FRRS1: variants seen among roughly 807,000 people sequenced by gnomAD.
FRRS1 encodes ferric chelate reductase 1.
FRRS1 carries 51 observed loss-of-function variants against 70.7 expected under a neutral mutation model. The ratio of observed to expected loss-of-function variants is 0.72; its 90% CI spans 0.58 to 0.91. The LOEUF (loss-of-function observed/expected upper bound fraction) is 0.91, where lower values mean the gene tolerates loss of function less well. FRRS1 is among the 40% of genes least tolerant of loss of function. The probability of loss-of-function intolerance (pLI) is 0.00; values close to 1 mark genes in which losing one functional copy is unlikely to be tolerated. For synonymous variants in FRRS1, 225 were observed against 238.7 expected, an observed-to-expected ratio of 0.94 and a Z score of 0.53; for missense variants, 672 against 726.0, an observed-to-expected ratio of 0.93 and a Z score of 0.86.
chr1:99,761,988 T>C lies in FRRS1; in HGVS notation c.-106+4619A>G, dbSNP rs572096490. On this transcript the variant is annotated intron_variant, in intron 1 of 16. Transcript: ENST00000646001. ...TATGGGAGGTACTATTGTCCCCATATGTAAAATAGGGCACTGATTAAGACA... is the reference window on the plus strand; with the variant it reads ...TATGGGAGGTACTATTGTCCCCATACGTAAAATAGGGCACTGATTAAGACA... Among the ~76,000 whole-genome samples the C allele has an allele frequency of 3.3e-5, 5 of 152,336 alleles. No individual in the cohort carries two copies. The South Asian group carries it at 8.3e-4, about 25-fold the overall frequency.
At chr1:99,730,829 T>C (rs1240946652) in intron 7 of FRRS1, among the ~76,000 whole-genome samples, 1 of 143,606 alleles carries the variant, frequency 7.0e-6, no homozygotes, top group Non-Finnish European at 1.5e-5. Context: ...ATCGCGCCAC[T>C]GCACTCCAGC....
chr1:99,716,016 G>A (rs1654506920), intron 11 of FRRS1, among the ~76,000 whole-genome samples: 1 of 152,110 alleles, frequency 6.6e-6, no homozygotes, highest in Non-Finnish European at 1.5e-5. Context: ...CCACCATCGA[G>A]CACAGTGCTA....
rs1359947794 is a variant in FRRS1 at position 99,706,004 on chromosome 1, T to C, written c.*3024A>G. Reference sequence around the variant, plus strand: ...TTATTACAGAAACAAAAAGAAAAACTGAGAGGAGTGAAGACTAGGCATTTG... The same window carrying C: ...TTATTACAGAAACAAAAAGAAAAACCGAGAGGAGTGAAGACTAGGCATTTG... On this transcript the variant is annotated 3_prime_UTR_variant, in exon 17 of 17. Transcript: ENST00000646001. Among the ~76,000 whole-genome samples the C allele has an allele frequency of 1.3e-5, 2 of 151,986 alleles. No homozygotes were observed. The highest frequency in any genetic ancestry group is 2.1e-4 in the South Asian group (1 of 4,828).
At chr1:99,744,895 G>A (rs1222196544) in intron 4 of FRRS1, among the ~76,000 whole-genome samples, 1 of 149,098 alleles carries the variant, frequency 6.7e-6, no homozygotes, top group Admixed American at 6.7e-5. Flanking sequence ...GCGTGAACCC[G>A]GGAGGCGGAG....
intron 6 of FRRS1, among the ~76,000 whole-genome samples, chr1:99,738,665 C>G (rs1276702663): frequency 1.3e-5 from 2 of 151,956 alleles, no homozygotes; most frequent in Non-Finnish European, 2.9e-5. Context: ...AACGTTCCTG[C>G]CTAAAGGGTA....
At chr1:99,763,317 A>C (rs1372495143) in intron 1 of FRRS1, among the ~76,000 whole-genome samples, 1 of 152,044 alleles carries the variant, frequency 6.6e-6, no homozygotes, top group Non-Finnish European at 1.5e-5. Context: ...ATTCCTGTCC[A>C]TATAAAAATA....
intron 1 of FRRS1, among the ~76,000 whole-genome samples, chr1:99,756,059 T>A (rs1290687564): frequency 6.6e-6 from 1 of 152,208 alleles, no homozygotes; most frequent in African/African-American, 2.4e-5. Context: ...CACATAATTA[T>A]GACAGAATAG....
rs144424214 is a variant in FRRS1 at position 99,747,423 on chromosome 1, C to A, written c.204G>T (p.Leu68Phe). The A allele has an allele frequency of 9.3e-6, 15 of 1,607,452 alleles. No individual in the cohort carries two copies. The highest frequency in any genetic ancestry group is 3.3e-4 in the Middle Eastern group (2 of 6,034). ...GAAAGCCTTTAAATGGATGCCCTGA[C>A]AAAGTAACTGAGAAAAAGACAAAAG... ...FRPGDQIEVT[L>F]SGHPFKGFLL... The change falls in exon 4 of 17, where the codon TTG becomes TTT. Residue 68 changes from leucine to phenylalanine, a missense_variant. Coordinates refer to ENST00000646001, the MANE Select transcript of FRRS1 (RefSeq NM_001361041.2).
At chr1:99,724,083 G>C (rs978761875) in intron 9 of FRRS1, among the ~76,000 whole-genome samples, 1 of 152,180 alleles carries the variant, frequency 6.6e-6, no homozygotes, top group Non-Finnish European at 1.5e-5. Context: ...TGAGAGACAA[G>C]TTGGAAGAAA....
chr1:99,744,075 A>AAAAG (rs386367805), intron 4 of FRRS1, among the ~76,000 whole-genome samples: 23,309 of 150,176 alleles, frequency 0.16, 2,967 homozygotes, highest in African/African-American at 0.34. Flanking sequence ...AAAAAAAAAA[A>AAAAG]AAAGAAAGAA....
intron 8 of FRRS1, among the ~76,000 whole-genome samples, chr1:99,729,368 C>T (rs1390494258): frequency 6.6e-6 from 1 of 152,174 alleles, no homozygotes; most frequent in African/African-American, 2.4e-5. Context: ...AAGCTGATGC[C>T]CTGACCATCT....
intron 4 of FRRS1, among the ~76,000 whole-genome samples, chr1:99,746,916 C>T (rs2100979463): frequency 6.6e-6 from 1 of 152,266 alleles, no homozygotes; most frequent in South Asian, 2.1e-4. Flanking sequence ...CTCCTCCACC[C>T]ACCCCAAGAC....
At chr1:99,737,896 C>G (rs941850022) in intron 7 of FRRS1, among the ~76,000 whole-genome samples, 190 bp downstream of exon 7, 2 of 152,154 alleles carry the variant, frequency 1.3e-5, no homozygotes, top group East Asian at 1.9e-4. Flanking sequence ...GCGCCCGCCA[C>G]GACGCTAGGC....
intron 7 of FRRS1, among the ~76,000 whole-genome samples, chr1:99,729,998 T>A (rs1353103544): frequency 1.3e-5 from 2 of 152,222 alleles, no homozygotes; most frequent in African/African-American, 4.8e-5. Context: ...ATATATAACA[T>A]GTTTATATGT....
chr1:99,733,555 AG>A (rs1482132657), intron 7 of FRRS1, among the ~76,000 whole-genome samples: 1 of 152,236 alleles, frequency 6.6e-6, no homozygotes, highest in East Asian at 1.9e-4. Context: ...CCTGCTTGAA[AG>A]GGCTCCCATT....
chr1:99,739,790 A>T (rs1393179216), intron 6 of FRRS1, among the ~76,000 whole-genome samples: 1 of 152,204 alleles, frequency 6.6e-6, no homozygotes, highest in African/African-American at 2.4e-5. Flanking sequence ...ACTGAAAATT[A>T]AGTAATTTGC....
chr1:99,729,259 T>C (rs1275564567), intron 8 of FRRS1, among the ~76,000 whole-genome samples: 2 of 152,246 alleles, frequency 1.3e-5, no homozygotes, highest in Non-Finnish European at 2.9e-5. Context: ...CCAAGGCATC[T>C]CCAGCCTTCA....
chr1:99,719,516 G>A lies in FRRS1; in HGVS notation c.1120+18C>T, dbSNP rs763544515. The A allele has an allele frequency of 8.5e-6, 11 of 1,297,614 alleles. No individual in the cohort carries two copies. In the Admixed American group the frequency reaches 1.7e-4, roughly 20 times the overall value. The allele number at this position is 1,297,614 out of a possible 1,614,324, so 80.4% of individuals were successfully genotyped here. A position where few individuals can be genotyped will look rare whatever the true frequency, so the allele number is the denominator to read the frequency against. ...GCAGGTAAGTTGATTCCACAAAGTA[G>A]TTACACATGTAACCTACCATGAACC... On this transcript the variant is annotated intron_variant, in intron 10 of 16. Transcript: ENST00000646001.
rs372046312 is a variant in FRRS1 at position 99,728,404 on chromosome 1, C to A, written c.1006+89G>T. 6.3e-4 allele frequency: 686 copies of A among 1,094,648 alleles called. 6 individuals carry two copies. In the South Asian group the frequency reaches 0.011, roughly 18 times the overall value. 67.8% of individuals were successfully genotyped at this position (1,094,648 alleles called of 1,614,324 possible). A position where few individuals can be genotyped will look rare whatever the true frequency, so the allele number is the denominator to read the frequency against. ...GGAAAGCGTGTGCCTTAAAAACGGG[C>A]AATTACAGTAGTTTTTCCAAAAATG... On this transcript the variant is annotated intron_variant, in intron 9 of 16. Transcript: ENST00000646001.
Sources: allele counts gnomAD v4.1 joint callset (sites outside exome capture counted in the v4.1 genomes callset), GRCh38; gene constraint gnomAD v4.1.1; transcripts MANE v1.5; gene names NCBI Gene and HGNC (gene_info 2026-07-23, HGNC 2026-07-21).